ERC1: variants seen among roughly 807,000 people sequenced by gnomAD.
ERC1 encodes the protein RAB6 interacting protein 2.
A neutral mutation model predicts 132.0 loss-of-function variants in ERC1; 56 were observed. The ratio of observed to expected loss-of-function variants is 0.42; its 90% confidence interval spans 0.34 to 0.53. ERC1 has a LOEUF of 0.53. Ranked by LOEUF, ERC1 falls within the 20% of genes least tolerant of loss-of-function variation. The probability of loss-of-function intolerance (pLI) is 0.03; values close to 1 mark genes in which losing one functional copy is unlikely to be tolerated. For missense variants in ERC1, 1,202 were observed against 1,349.9 expected (o/e 0.89, Z 1.72); for synonymous variants, 478 against 476.1 (o/e 1.00, Z -0.05).
At chr12:1,398,329 G>T (rs987990957) in intron 16 of ERC1, among the ~76,000 whole-genome samples, 1 of 152,006 alleles carries the variant, frequency 6.6e-6, no homozygotes, top group Non-Finnish European at 1.5e-5. Flanking sequence ...GATAGTAATT[G>T]TATTGGTTTT....
chr12:1,202,007 A>G (rs1450692493), intron 12 of ERC1, among the ~76,000 whole-genome samples: 2 of 152,118 alleles, frequency 1.3e-5, no homozygotes, highest in Non-Finnish European at 2.9e-5. Context: ...AAAAATGAAA[A>G]AACTGAAAAG....
intron 18 of ERC1, among the ~76,000 whole-genome samples, chr12:1,479,770 T>G (rs2094048850): frequency 6.6e-6 from 1 of 152,134 alleles, no homozygotes; most frequent in African/African-American, 2.4e-5. Context: ...TGGGTGCTCC[T>G]GAGGCGTGTG....
chr12:1,330,115 T>A (rs1041094730), intron 15 of ERC1, among the ~76,000 whole-genome samples: 20 of 152,248 alleles, frequency 1.3e-4, no homozygotes, highest in African/African-American at 4.3e-4. Context: ...AGTTCACCTT[T>A]ACAGGACCAA....
At chr12:1,328,739 C>T (rs1411628595) in intron 15 of ERC1, among the ~76,000 whole-genome samples, 1 of 151,960 alleles carries the variant, frequency 6.6e-6, no homozygotes, top group Non-Finnish European at 1.5e-5. Context: ...TCTTTCTCTG[C>T]GTTTGCTTTG....
At chr12:1,484,109 T>C (rs1272933808) in intron 18 of ERC1, among the ~76,000 whole-genome samples, 9 of 150,966 alleles carry the variant, frequency 6.0e-5, no homozygotes, top group African/African-American at 2.2e-4. Context: ...ATCAAGACCT[T>C]CCTGGCTAAC....
intron 2 of ERC1, among the ~76,000 whole-genome samples, chr12:1,073,142 A>T (rs1056122942): frequency 6.6e-6 from 1 of 152,136 alleles, no homozygotes; most frequent in Non-Finnish European, 1.5e-5. Context: ...TCTACTAAAA[A>T]TACAAAAATT....
chr12:1,054,198 T>C (rs185199054), intron 2 of ERC1, among the ~76,000 whole-genome samples: 14 of 152,338 alleles, frequency 9.2e-5, no homozygotes, highest in Admixed American at 1.3e-4. Flanking sequence ...AAGTTTGTAC[T>C]ATCACAATTC....
chr12:1,339,329 C>T (rs1478675111), intron 15 of ERC1, among the ~76,000 whole-genome samples: 1 of 147,458 alleles, frequency 6.8e-6, no homozygotes, highest in African/African-American at 2.5e-5. Context: ...ACGACTGTGA[C>T]AGGGTGCTAG....
chr12:1,188,974 G>C (rs1215268678), intron 11 of ERC1, among the ~76,000 whole-genome samples: 1 of 152,156 alleles, frequency 6.6e-6, no homozygotes, highest in Non-Finnish European at 1.5e-5. Flanking sequence ...AAACTGTTTT[G>C]TATTCCAAAA....
At chr12:1,427,700 C>G (rs756592904) in intron 17 of ERC1, among the ~76,000 whole-genome samples, 4 of 152,144 alleles carry the variant, frequency 2.6e-5, no homozygotes, top group African/African-American at 9.7e-5. Flanking sequence ...CACGTCACTT[C>G]TTCTCTAAGC....
At chr12:1,155,529 G>A (rs1951300204) in intron 8 of ERC1, among the ~76,000 whole-genome samples, 1 of 150,786 alleles carries the variant, frequency 6.6e-6, no homozygotes, top group African/African-American at 2.4e-5. Context: ...AGGCTGGATT[G>A]CAGTGGCGCC....
intron 12 of ERC1, among the ~76,000 whole-genome samples, chr12:1,217,909 A>G (rs1958576569): frequency 6.6e-6 from 1 of 152,182 alleles, no homozygotes; most frequent in Non-Finnish European, 1.5e-5. Context: ...TGCCCTGAGC[A>G]GCTTTATGTT....
intron 15 of ERC1, among the ~76,000 whole-genome samples, chr12:1,303,782 T>G (rs2080608857): frequency 1.3e-5 from 2 of 151,824 alleles, no homozygotes; most frequent in African/African-American, 4.8e-5. Context: ...TGGAGAAACC[T>G]TGTCTCTACT....
At chr12:1,353,028 CTTTTTTTT>C (rs547540688) in intron 15 of ERC1, among the ~76,000 whole-genome samples, 2 of 123,014 alleles carry the variant, frequency 1.6e-5, no homozygotes, top group African/African-American at 5.9e-5. Context: ...CTTTTCTTTT[CTTTTTTTT>C]TTTTTTTTTT....
At chr12:1,021,240 C>T (rs550185458) in intron 1 of ERC1, among the ~76,000 whole-genome samples, 1 of 152,160 alleles carries the variant, frequency 6.6e-6, no homozygotes, top group Non-Finnish European at 1.5e-5. Flanking sequence ...TGCATCCAGC[C>T]GAGACTCTTA....
chr12:1,408,736 C>G (rs1052867146), intron 17 of ERC1, among the ~76,000 whole-genome samples: 7 of 152,172 alleles, frequency 4.6e-5, no homozygotes, highest in Non-Finnish European at 8.8e-5. Context: ...ACTCCCTGTC[C>G]TTGTGGATCC....
intron 8 of ERC1, among the ~76,000 whole-genome samples, chr12:1,167,527 T>C (rs1952543366): frequency 1.3e-5 from 2 of 152,146 alleles, no homozygotes; most frequent in Admixed American, 1.3e-4. Flanking sequence ...AACCAGAAAA[T>C]AGCTTCAAGA....
rs374201728 is a variant in ERC1, at chr12:1,447,544, C to CA, written c.3213+2807dup. Among the ~76,000 whole-genome samples, 795 of 129,446 alleles carry CA rather than the reference C, an allele frequency of 6.1e-3. 7 individuals carry two copies. Among genetic ancestry groups the CA allele is most frequent in the African/African-American group, 0.018 (592 of 33,380 alleles). The allele number at this position is 129,446 out of a possible 152,430, so 84.9% of individuals were successfully genotyped here. Reference sequence around the variant, plus strand: ...AACAAACAAACAGCAACAACAACAACAAAAAAAAAAAAACCCAGTGCTTAT... The same window carrying CA: ...AACAAACAAACAGCAACAACAACAACAAAAAAAAAAAAAACCCAGTGCTTAT... On this transcript the variant is annotated intron_variant, in intron 18 of 18. Coordinates refer to ENST00000360905, the MANE Select transcript of ERC1 (RefSeq NM_178040.4).
intron 2 of ERC1, among the ~76,000 whole-genome samples, chr12:1,045,821 A>C (rs1176454601): frequency 1.3e-5 from 2 of 152,192 alleles, no homozygotes; most frequent in African/African-American, 2.4e-5. Context: ...TTGGAGGAGG[A>C]AATACAAGAA....
Sources: gnomAD v4.1 joint callset for allele counts (sites outside exome capture counted in the v4.1 genomes callset) on GRCh38, gnomAD v4.1.1 for gene constraint, MANE v1.5 for transcripts, NCBI Gene and HGNC (gene_info 2026-07-23, HGNC 2026-07-21) for gene names.